The following BAZ1B variants were observed in gnomAD, a reference collection of about 807,000 sequenced individuals.
The protein encoded by BAZ1B is bromodomain adjacent to zinc finger domain 1B, also known as tyrosine-protein kinase BAZ1B.
BAZ1B carries 22 observed loss-of-function variants against 153.8 expected under a neutral mutation model. The observed-to-expected ratio is 0.14, with a 90% CI of 0.10 to 0.20. The LOEUF is 0.20. Ranked by LOEUF, BAZ1B falls within the 10% of genes least tolerant of loss-of-function variation. The probability of loss-of-function intolerance (pLI) is 1.00; values close to 1 mark genes in which losing one functional copy is unlikely to be tolerated. For synonymous variants in BAZ1B, 676 were observed against 633.4 expected (o/e 1.07, Z -1.01); for missense variants, 1,325 against 1,799.3 (o/e 0.74, Z 4.77).
At chr7:73,503,204 A>G (rs1387660756) in intron 3 of BAZ1B, among the ~76,000 whole-genome samples, 2 of 152,236 alleles carry the variant, frequency 1.3e-5, no homozygotes, top group South Asian at 2.1e-4. Flanking sequence ...TATTTACACT[A>G]TAAGCAATTC....
chr7:73,481,887 A>G (rs1189243950), intron 6 of BAZ1B, among the ~76,000 whole-genome samples: 3 of 151,980 alleles, frequency 2.0e-5, no homozygotes, highest in African/African-American at 7.3e-5. Context: ...AATACAAAAA[A>G]AATTAGCCTG....
chr7:73,477,474 G>A lies in BAZ1B; in HGVS notation c.1987C>T (p.Leu663=). 1 of 1,614,186 alleles carries A rather than the reference G, an allele frequency of 6.2e-7. No homozygotes were observed. The highest frequency in any genetic ancestry group is 8.5e-7 in the Non-Finnish European group (1 of 1,180,042). ...TAGTCTTCTGCTATCTCATCTTGTA[G>A]GAGGGTCTGTAAGAGGATGACCAAC... The part of the protein sequence containing the change: ...RVLVILLQTL[L]QDEIAEDYGE... The change falls in exon 7 of 20, where the codon CTA becomes TTA. Residue 663 remains leucine (L), a synonymous_variant. Coordinates refer to ENST00000339594, the MANE Select transcript of BAZ1B (RefSeq NM_032408.4). The surrounding 1 kb of genome is among the most constrained non-coding windows in gnomAD (Gnocchi z 5.6).
intron 3 of BAZ1B, among the ~76,000 whole-genome samples, chr7:73,506,726 C>T (rs1790358048): frequency 6.7e-6 from 1 of 148,328 alleles, no homozygotes; most frequent in African/African-American, 2.5e-5. Flanking sequence ...TGGCAGGCGC[C>T]TGTAGTCCCA....
chr7:73,451,429 C>T (rs2116242093), intron 13 of BAZ1B, among the ~76,000 whole-genome samples: 1 of 152,268 alleles, frequency 6.6e-6, no homozygotes, highest in South Asian at 2.1e-4. Context: ...AATGAATCTC[C>T]TAAAGGAAAA....
At chr7:73,476,051 G>T (rs908158261) in intron 7 of BAZ1B, among the ~76,000 whole-genome samples, 15 of 151,960 alleles carry the variant, frequency 9.9e-5, no homozygotes, top group Non-Finnish European at 2.1e-4. Context: ...TATGCTAAGT[G>T]AAAGTCACAA....
At chr7:73,503,554 T>C (rs995510075) in intron 3 of BAZ1B, among the ~76,000 whole-genome samples, 5 of 152,060 alleles carry the variant, frequency 3.3e-5, no homozygotes, top group African/African-American at 7.2e-5. Context: ...TTATTATTTT[T>C]TGTAGAAACA....
Position 73,506,566 on chromosome 7 carries a change from GTC to G in BAZ1B, c.369+1759_369+1760del, listed in dbSNP as rs1442873850. On this transcript the variant is annotated intron_variant, in intron 3 of 19. Transcript: ENST00000339594. ...TACAGCGAGGACTTGGATTAAACAT[GTC>G]TGAGGCCGGGCGCAGTGACTCACGC... 2.1e-5 allele frequency among the ~76,000 whole-genome samples: 3 copies of G among 143,778 alleles called. No homozygotes were observed. In the Admixed American group the frequency reaches 2.1e-4, roughly 10 times the overall value. 94.3% of individuals were successfully genotyped at this position (143,778 alleles called of 152,430 possible).
rs782562886 is a variant in BAZ1B, at chr7:73,459,717, A to C, written c.3251T>G (p.Val1084Gly). 1 of 1,584,306 alleles carries C rather than the reference A, an allele frequency of 6.3e-7. No homozygotes were observed. The stretch of plus-strand genomic sequence containing the variant: ...ATCCTTCAATTTCTCTAATGAAATG[A>C]CCTATAGGAAAGGATTTTAAAACCA... ...VEETSEFEARVISLEKLKDFG... is the reference protein window; with the variant it reads ...VEETSEFEARGISLEKLKDFG... The change falls in exon 13 of 20, where the codon GTC becomes GGC. Residue 1084 changes from valine (V) to glycine (G), a missense_variant and splice_region_variant. By Grantham distance (109) the Val-to-Gly change is moderately radical. Transcript: ENST00000339594.
intron 8 of BAZ1B, 77 bp downstream of exon 8, chr7:73,470,268 G>A: frequency 7.0e-7 from 1 of 1,423,562 alleles, no homozygotes; most frequent in South Asian, 1.5e-5. Context: ...GTCTATTCTT[G>A]TACTTTAGAA....
At chr7:73,451,962 A>C (rs1554568335) in intron 13 of BAZ1B, among the ~76,000 whole-genome samples, 1 of 152,138 alleles carries the variant, frequency 6.6e-6, no homozygotes, top group African/African-American at 2.4e-5. Context: ...AATGACTACC[A>C]ATGGGCTTTG....
At position 73,442,794 on chromosome 7, in the gene BAZ1B, C is replaced by A. The variant is rs1787676615; in HGVS notation, c.4025G>T (p.Ser1342Ile). The change falls in exon 18 of 20, where the codon AGC becomes ATC. Residue 1342 changes from serine to isoleucine, a missense_variant. Ser to Ile is a moderately radical substitution (Grantham distance 142, BLOSUM62 -2). This residue lies in a region of BAZ1B where 271 missense variants were observed against 337.2 expected (regional missense o/e 0.80). Transcript: ENST00000339594. Reference protein sequence around the residue: ...LQTKRSSRRQSLELQKCEEIL... With the variant: ...LQTKRSSRRQILELQKCEEIL... The stretch of plus-strand genomic sequence containing the variant: ...CTCTTCACACTTCTGCAGCTCCAGG[C>A]TTTGCCTCCGGGAGCTCCGCTTGGT... 10 of 1,614,142 alleles carry A rather than the reference C, an allele frequency of 6.2e-6. No homozygotes were observed. Among genetic ancestry groups the A allele is most frequent in the Non-Finnish European group, 8.5e-6 (10 of 1,179,976 alleles).
At chr7:73,457,672 C>T (rs542208900) in intron 13 of BAZ1B, among the ~76,000 whole-genome samples, 1 of 152,100 alleles carries the variant, frequency 6.6e-6, no homozygotes, top group Non-Finnish European at 1.5e-5. Flanking sequence ...TTGGATCACA[C>T]CTAAATTTAT....
chr7:73,492,404 C>T (rs1009621535), intron 5 of BAZ1B, among the ~76,000 whole-genome samples: 7 of 152,120 alleles, frequency 4.6e-5, no homozygotes, highest in Admixed American at 3.9e-4. Flanking sequence ...CCTCATGATC[C>T]GCCCACCTCG....
intron 3 of BAZ1B, among the ~76,000 whole-genome samples, chr7:73,502,726 C>T (rs1465471084): frequency 6.6e-6 from 1 of 152,080 alleles, no homozygotes; most frequent in Non-Finnish European, 1.5e-5. Flanking sequence ...TGCAGTAAGC[C>T]AAGGTTGTGC....
intron 6 of BAZ1B, among the ~76,000 whole-genome samples, chr7:73,478,773 A>C (rs1465362283): frequency 1.3e-5 from 2 of 152,226 alleles, no homozygotes; most frequent in African/African-American, 4.8e-5. Flanking sequence ...TTCCCTTGAC[A>C]TCCAGACTTA....
At chr7:73,484,390 C>T (rs1789322293) in intron 6 of BAZ1B, among the ~76,000 whole-genome samples, 1 of 152,092 alleles carries the variant, frequency 6.6e-6, no homozygotes, top group Non-Finnish European at 1.5e-5. Context: ...GTAATCCCAA[C>T]ACTTCAGGGG....
chr7:73,502,159 G>C (rs1583943185), intron 3 of BAZ1B, among the ~76,000 whole-genome samples: 2 of 151,986 alleles, frequency 1.3e-5, no homozygotes, highest in South Asian at 4.2e-4. Flanking sequence ...AAAGTGCTGG[G>C]ATTACAGGTG....
chr7:73,480,692 AAAG>A (rs1249333510), intron 6 of BAZ1B, among the ~76,000 whole-genome samples: 7 of 152,324 alleles, frequency 4.6e-5, no homozygotes, highest in South Asian at 4.1e-4. Context: ...AGCAACATGT[AAAG>A]AAGAAGTCTA....
Position 73,442,183 on chromosome 7 carries a change from C to A in BAZ1B, c.*13G>T. ...TCCCCCCACCTCAGCTCCCTTACCA[C>A]GGCCCTGCCTCTCTACTTCTTCTGT... On this transcript the variant is annotated splice_region_variant and 3_prime_UTR_variant, in exon 19 of 20. Transcript: ENST00000339594. The A allele has an allele frequency of 2.3e-6, 3 of 1,309,058 alleles. No individual in the cohort carries two copies. Among genetic ancestry groups the A allele is most frequent in the Non-Finnish European group, 3.1e-6 (3 of 971,688 alleles). The allele number at this position is 1,309,058 out of a possible 1,614,324, so 81.1% of individuals were successfully genotyped here. A position where few individuals can be genotyped will look rare whatever the true frequency, so the allele number is the denominator to read the frequency against.
Sources: gnomAD v4.1 joint callset for allele counts (sites outside exome capture counted in the v4.1 genomes callset) on GRCh38, gnomAD v4.1.1 for gene constraint, gnomAD v4.1.1 regional missense constraint, Gnocchi (gnomAD v3.1) non-coding constraint, MANE v1.5 for transcripts, NCBI Gene and HGNC (gene_info 2026-07-23, HGNC 2026-07-21) for gene names.